Variants in EFS observed in about 807,000 individuals in gnomAD.
EFS encodes embryonal Fyn-associated substrate.
A neutral mutation model predicts 42.2 loss-of-function variants in EFS; 34 were observed. That is an observed-to-expected ratio of 0.81 (90% confidence interval 0.61 to 1.07). The LOEUF (loss-of-function observed/expected upper bound fraction) is 1.07. Among genes scored for constraint, EFS ranks in the 50% least tolerant of loss-of-function variants. The pLI, the probability that EFS is intolerant of heterozygous loss-of-function variation, is 0.00. For synonymous variants in EFS, 299 were observed against 320.7 expected, an observed-to-expected ratio of 0.93 and a Z score of 0.72; for missense variants, 717 against 729.4, an observed-to-expected ratio of 0.98 and a Z score of 0.20.
intron 1 of EFS, among the ~76,000 whole-genome samples, chr14:23,362,917 CTT>C (rs57240518): frequency 9.3e-5 from 13 of 139,664 alleles, no homozygotes; most frequent in Admixed American, 1.4e-4. Flanking sequence ...TTCTTTCTTT[CTT>C]TTTTTTTTTT....
In EFS at chr14:23,357,406, T is replaced by C. The variant is rs139129352; in HGVS notation, c.1506A>G (p.Ala502=). ...GTGCTGTACCTGCAGCCCTGACCTGTGCTCTCAGAGGGGCAGAGGCTGCCA... is the reference window on the plus strand; with the variant it reads ...GTGCTGTACCTGCAGCCCTGACCTGCGCTCTCAGAGGGGCAGAGGCTGCCA... ...GRLAASAPLR[A]QVRAAGTALG... Residue 502 remains alanine (A), a synonymous_variant, in exon 6 of 6, where the codon GCA becomes GCG. Transcript: ENST00000216733. The C allele has an allele frequency of 3.1e-6, 5 of 1,611,452 alleles. No individual in the cohort carries two copies. The highest frequency in any genetic ancestry group is 4.2e-6 in the Non-Finnish European group (5 of 1,178,612).
chr14:23,363,355 T>C (rs1890216494), intron 1 of EFS, among the ~76,000 whole-genome samples: 1 of 152,148 alleles, frequency 6.6e-6, no homozygotes, highest in African/African-American at 2.4e-5. Context: ...GTTGTGAGAG[T>C]TGCATGAGAT....
rs773846924 is a variant in EFS, at chr14:23,357,547, T to G, written c.1365A>C (p.Ala455=). Residue 455 remains alanine (A), a synonymous_variant, in exon 6 of 6, where the codon GCA becomes GCC. Coordinates refer to ENST00000216733, the MANE Select transcript of EFS (RefSeq NM_005864.4). ...SHYSALQAAV[A]ALMSSTQANQ... is the part of the protein sequence containing the mutation. ...TAGCCTGGGTACTGGACATCAGGGC[T>G]GCCACGGCTGCCTGCAGGGCTGAGT... 6.2e-7 allele frequency: 1 copy of G among 1,612,458 alleles called. No homozygotes were observed. The highest frequency in any genetic ancestry group is 8.5e-7 in the Non-Finnish European group (1 of 1,178,958).
Position 23,359,491 on chromosome 14 carries a change from C to T in EFS, c.987G>A (p.Lys329=). ...SPVPSPAPGR[K]GSIQDRPLPP... ...GCAGAGGCCGGTCCTGGATGCTGCC[C>T]TTCCGGCCTGGGGCAGGAGAGGGCA... Residue 329 remains lysine (K), a synonymous_variant, in exon 4 of 6, where the codon AAG becomes AAA. Coordinates refer to ENST00000216733, the MANE Select transcript of EFS (RefSeq NM_005864.4). The T allele has an allele frequency of 1.3e-6, 2 of 1,573,650 alleles. No homozygotes were observed. Among genetic ancestry groups the T allele is most frequent in the Non-Finnish European group, 1.7e-6 (2 of 1,163,590 alleles).
intron 1 of EFS, 38 bp downstream of exon 1, chr14:23,364,970 G>A (rs747577109): frequency 5.5e-6 from 7 of 1,277,418 alleles, no homozygotes; most frequent in Admixed American, 3.8e-5. Context: ...GGCCGTGGAG[G>A]TCTCTCCCCG....
intron 3 of EFS, 26 bp downstream of exon 3, chr14:23,360,115 C>A (rs200374407): frequency 4.3e-4 from 694 of 1,614,178 alleles, no homozygotes; most frequent in Middle Eastern, 6.6e-4. Context: ...TCCCACCCAA[C>A]ATACACAGGG....
chr14:23,359,101 T>A, intron 4 of EFS, 136 bp from the exon 5 acceptor site: 6 of 1,107,792 alleles, frequency 5.4e-6, no homozygotes, highest in Non-Finnish European at 7.7e-6. Context: ...GTCCCTTGAC[T>A]CCAGAGAGCT....
rs762895299 is a variant in EFS at position 23,359,404 on chromosome 14, G to A, written c.1074C>T (p.Gly358=). 6.2e-7 allele frequency: 1 copy of A among 1,610,604 alleles called. No homozygotes were observed. The highest frequency in any genetic ancestry group is 1.1e-5 in the South Asian group (1 of 90,962). ...GGPKVEGDPE[G]REMEDDPAGH... ...CTGCTGGGTCATCCTCCATCTCCCT[G>A]CCCTCTGGATCCCCCTCGACCTTGG... Residue 358 remains glycine (G), a synonymous_variant, in exon 4 of 6, where the codon GGC becomes GGT. Coordinates refer to ENST00000216733, the MANE Select transcript of EFS (RefSeq NM_005864.4).
rs746810396 is a variant in EFS at position 23,359,719 on chromosome 14, G to A, written c.759C>T (p.Tyr253=). The A allele has an allele frequency of 1.1e-5, 16 of 1,517,084 alleles. No individual in the cohort carries two copies. Among genetic ancestry groups the A allele is most frequent in the Middle Eastern group, 1.8e-4 (1 of 5,612 alleles). 94.0% of individuals were successfully genotyped at this position (1,517,084 alleles called of 1,614,324 possible). The change falls in exon 4 of 6, where the codon TAC becomes TAT. Residue 253 remains tyrosine, a synonymous_variant. Transcript: ENST00000216733. ...CCTCTGGCCCCAGCAGAGGCACATCGTAGATCCCCTCATCAGTGCCCCCGC... is the reference window on the plus strand; with the variant it reads ...CCTCTGGCCCCAGCAGAGGCACATCATAGATCCCCTCATCAGTGCCCCCGC... ...GEGGGTDEGI[Y]DVPLLGPEAP... is the part of the protein sequence containing the mutation.
rs758835459 is a variant in EFS, at chr14:23,360,705, GCAGAGGCA to G, written c.139_146del (p.Cys47LeufsTer47). On this transcript the variant is annotated frameshift_variant, in exon 2 of 6. Coordinates refer to ENST00000216733, the MANE Select transcript of EFS (RefSeq NM_005864.4). LOFTEE classifies it high-confidence loss of function. The stretch of plus-strand genomic sequence containing the variant: ...CAATGCCCTGCTGGCCGTGTAGGGA[GCAGAGGCA>G]CCAGCCGTCCAGTCCACCAGCGCCC... The G allele has an allele frequency of 2.5e-6, 4 of 1,613,906 alleles. No homozygotes were observed. Among genetic ancestry groups the G allele is most frequent in the Non-Finnish European group, 3.4e-6 (4 of 1,179,962 alleles).
At position 23,360,637 on chromosome 14, in the gene EFS, G is replaced by C. The variant is rs535021372; in HGVS notation, c.215C>G (p.Pro72Arg). ...GGACGCAGGAGAGAGGCTGGGCTTG[G>C]GTGCTGGGCCAGCAGGCAAGAGCTT... ...RVKLLPAGPA[P>R]KPSLSPASPA... The change falls in exon 2 of 6, where the codon CCC (proline) becomes CGC (arginine). Residue 72 changes from proline (P) to arginine (R), a missense_variant. Physicochemically the swap from Pro to Arg is moderately radical, Grantham distance 103. Transcript: ENST00000216733. 2.5e-6 allele frequency: 4 copies of C among 1,609,982 alleles called. No homozygotes were observed. The highest frequency in any genetic ancestry group is 1.7e-5 in the Admixed American group (1 of 59,688).
intron 5 of EFS, 146 bp from the exon 6 acceptor site, chr14:23,357,806 A>T (rs1185756537): frequency 4.8e-5 from 32 of 669,180 alleles, no homozygotes; most frequent in Non-Finnish European, 5.4e-5. Flanking sequence ...TTCTAGAGAG[A>T]GCAGCAGTGA....
At chr14:23,360,483 G>A (rs1006309424) in intron 2 of EFS, 72 bp downstream of exon 2, 1 of 1,510,588 alleles carries the variant, frequency 6.6e-7, no homozygotes, top group African/African-American at 1.4e-5. Flanking sequence ...ACCTGCTGCA[G>A]GCCCTGGGTG....
In EFS at chr14:23,360,135, C is replaced by T. The variant is rs933007397; in HGVS notation, c.438+6G>A. 3 of 1,614,070 alleles carry T rather than the reference C, an allele frequency of 1.9e-6. No individual in the cohort carries two copies. The highest frequency in any genetic ancestry group is 1.6e-4 in the Middle Eastern group (1 of 6,084). ...CCCAACATACACAGGGACCTCTAGC[C>T]CTCACCTCCAAGGCATCTCTGGGAG... On this transcript the variant is annotated splice_donor_region_variant and intron_variant, in intron 3 of 5. Transcript: ENST00000216733.
At chr14:23,357,868 G>A (rs1371248125) in intron 5 of EFS, among the ~76,000 whole-genome samples, 1 of 152,160 alleles carries the variant, frequency 6.6e-6, no homozygotes, top group African/African-American at 2.4e-5. Context: ...CCTCAAACTT[G>A]ATTTCGGACA....
chr14:23,360,083 CCCTCCCT>C, intron 3 of EFS, 44 bp from the exon 4 acceptor site: 1 of 1,614,100 alleles, frequency 6.2e-7, no homozygotes, highest in Non-Finnish European at 8.5e-7. Flanking sequence ...CAGCGATGAA[CCCTCCCT>C]TGGGGCCATT....
chr14:23,362,644 A>G (rs1353197978), intron 1 of EFS, among the ~76,000 whole-genome samples: 1 of 152,240 alleles, frequency 6.6e-6, no homozygotes, highest in Non-Finnish European at 1.5e-5. Context: ...TTAGTTGTAA[A>G]TTATAAATCA....
chr14:23,358,738 C>T (rs776361961), intron 5 of EFS, 138 bp downstream of exon 5: 36 of 692,790 alleles, frequency 5.2e-5, no homozygotes, highest in Middle Eastern at 2.5e-4. Context: ...AACTTGCCTC[C>T]GCTCTGTCCC....
At position 23,357,088 on chromosome 14, in the gene EFS, T is replaced by G. The variant is rs1595022235; in HGVS notation, c.*138A>C. ...GGGGAGAAGACACCTCTGTGAGAGG[T>G]TGAGATGAGCAGAAAGGGCAGGAAA... On this transcript the variant is annotated 3_prime_UTR_variant, in exon 6 of 6. Coordinates refer to ENST00000216733, the MANE Select transcript of EFS (RefSeq NM_005864.4). 4 of 751,090 alleles carry G rather than the reference T, an allele frequency of 5.3e-6. No individual in the cohort carries two copies. The highest frequency in any genetic ancestry group is 3.6e-5 in the South Asian group (1 of 27,978). The allele number at this position is 751,090 out of a possible 1,614,324, so 46.5% of individuals were successfully genotyped here.
Sources: allele counts gnomAD v4.1 joint callset (sites outside exome capture counted in the v4.1 genomes callset), GRCh38; gene constraint gnomAD v4.1.1; transcripts MANE v1.5; gene names NCBI Gene and HGNC (gene_info 2026-07-23, HGNC 2026-07-21).